Variants in SLC9A2 observed in about 807,000 individuals in gnomAD.
SLC9A2 encodes the protein solute carrier family 9 member A2, also known as sodium/hydrogen exchanger 2.
A neutral mutation model predicts 71.7 loss-of-function variants in SLC9A2; 42 were observed. That is an observed-to-expected ratio of 0.59 (90% CI 0.46 to 0.76). SLC9A2 has a LOEUF of 0.76. SLC9A2 is among the 30% of genes least tolerant of loss of function. The probability of loss-of-function intolerance (pLI) is 0.00; values close to 1 mark genes in which losing one functional copy is unlikely to be tolerated. For synonymous variants in SLC9A2, 396 were observed against 392.5 expected (o/e 1.01, Z -0.10); for missense variants, 829 against 1,017.4 (o/e 0.81, Z 2.52).
intron 4 of SLC9A2, 40 bp downstream of exon 4, chr2:102,683,518 T>A: frequency 6.8e-7 from 1 of 1,467,948 alleles, no homozygotes; most frequent in Non-Finnish European, 9.5e-7. Flanking sequence ...TATGTAACAC[T>A]CACTAATTGA....
intron 5 of SLC9A2, among the ~76,000 whole-genome samples, chr2:102,685,413 T>C (rs1335951690): frequency 6.6e-6 from 1 of 152,220 alleles, no homozygotes; most frequent in Non-Finnish European, 1.5e-5. Context: ...ATCCCTGATA[T>C]GTTCTCACGT....
intron 1 of SLC9A2, among the ~76,000 whole-genome samples, chr2:102,644,755 C>T (rs1357973322): frequency 6.6e-6 from 1 of 152,186 alleles, no homozygotes; most frequent in Admixed American, 6.5e-5. Flanking sequence ...CTAGATTCCT[C>T]CTCACTAGGC....
chr2:102,696,104 T>G (rs906700384), intron 7 of SLC9A2, among the ~76,000 whole-genome samples: 44 of 152,002 alleles, frequency 2.9e-4, no homozygotes, highest in South Asian at 2.1e-4. Context: ...CAGCCCCCAC[T>G]TGCTAGTGGG....
chr2:102,681,193 T>C lies in SLC9A2; in HGVS notation c.1005-2068T>C, dbSNP rs374371851. Among the ~76,000 whole-genome samples the C allele has an allele frequency of 8.3e-4, 126 of 152,304 alleles. 2 individuals are homozygous for C. In the South Asian group the frequency reaches 9.5e-3, roughly 12 times the overall value. Reference sequence around the variant, plus strand: ...AAGACCTCCTTCCCATCAGAGATCGTAGGGCTCATTAAGAACTTGGAAAGG... The same window carrying C: ...AAGACCTCCTTCCCATCAGAGATCGCAGGGCTCATTAAGAACTTGGAAAGG... On this transcript the variant is annotated intron_variant, in intron 3 of 11. Transcript: ENST00000233969.
chr2:102,625,739 GT>G (rs1212928515), intron 1 of SLC9A2, among the ~76,000 whole-genome samples: 1 of 152,114 alleles, frequency 6.6e-6, no homozygotes, highest in Admixed American at 6.5e-5. Flanking sequence ...ATTTGGGTTG[GT>G]TCCAAGTCTT....
rs1677483703 is a variant in SLC9A2 at position 102,683,016 on chromosome 2, G to A, written c.1005-245G>A. 2.0e-5 allele frequency among the ~76,000 whole-genome samples: 3 copies of A among 152,292 alleles called. 1 individual carries two copies. Among genetic ancestry groups the A allele is most frequent in the South Asian group, 4.1e-4 (2 of 4,822 alleles). On this transcript the variant is annotated intron_variant, in intron 3 of 11. Coordinates refer to ENST00000233969, the MANE Select transcript of SLC9A2 (RefSeq NM_003048.6). ...CCTTTAAGTGTGAATCTGGGGTAAG[G>A]GAATTGAGGGACCAGAATGCTGGGC...
rs917517166 is a variant in SLC9A2 at position 102,624,756 on chromosome 2, C to T, written c.289+4619C>T. The stretch of plus-strand genomic sequence containing the variant: ...GTAAGATGCAGAATTTTCCACCTCC[C>T]TCCATCCTGCTGTCATGAAATTAAA... On this transcript the variant is annotated intron_variant, in intron 1 of 11. Transcript: ENST00000233969. 2.6e-5 allele frequency among the ~76,000 whole-genome samples: 4 copies of T among 152,114 alleles called. 1 individual carries two copies. Among genetic ancestry groups the T allele is most frequent in the Admixed American group, 2.6e-4 (4 of 15,272 alleles).
intron 1 of SLC9A2, among the ~76,000 whole-genome samples, chr2:102,630,063 T>C (rs1676328654): frequency 6.6e-6 from 1 of 152,112 alleles, no homozygotes; most frequent in African/African-American, 2.4e-5. Flanking sequence ...TCTAACTGCG[T>C]GTTTCAGAAT....
At chr2:102,646,637 CA>C (rs975677293) in intron 1 of SLC9A2, among the ~76,000 whole-genome samples, 1 of 151,248 alleles carries the variant, frequency 6.6e-6, no homozygotes, top group Non-Finnish European at 1.5e-5. Context: ...AACAAACAAA[CA>C]AAAAAAGCAG....
At chr2:102,621,518 CTT>C (rs918457993) in intron 1 of SLC9A2, among the ~76,000 whole-genome samples, 17 of 152,208 alleles carry the variant, frequency 1.1e-4, no homozygotes, top group African/African-American at 4.1e-4. Context: ...ATTTTAAAGA[CTT>C]TAGAAAAATC....
intron 1 of SLC9A2, among the ~76,000 whole-genome samples, chr2:102,630,791 C>A (rs1218285607): frequency 1.3e-5 from 2 of 151,756 alleles, no homozygotes; most frequent in Admixed American, 1.3e-4. Context: ...CATGCTGTTG[C>A]ATTACGTAAT....
chr2:102,665,295 T>C lies in SLC9A2; in HGVS notation c.949T>C (p.Tyr317His). The C allele has an allele frequency of 6.2e-7, 1 of 1,614,114 alleles. No individual in the cohort carries two copies. The highest frequency in any genetic ancestry group is 8.5e-7 in the Non-Finnish European group (1 of 1,179,972). Residue 317 changes from tyrosine (Y) to histidine (H), a missense_variant, in exon 3 of 12, where the codon TAC becomes CAC. Physicochemically the swap from Tyr to His is moderately conservative, Grantham distance 83. Coordinates refer to ENST00000233969, the MANE Select transcript of SLC9A2 (RefSeq NM_003048.6). ...RVIEPLFVFL[Y>H]SYLSYITAEM... Reference sequence around the variant, plus strand: ...GATCGAGCCACTGTTTGTTTTCCTGTACAGTTATTTGTCCTACATCACAGC... The same window carrying C: ...GATCGAGCCACTGTTTGTTTTCCTGCACAGTTATTTGTCCTACATCACAGC...
intron 1 of SLC9A2, among the ~76,000 whole-genome samples, chr2:102,655,057 AGT>A (rs1368034370): frequency 7.9e-5 from 12 of 152,220 alleles, no homozygotes; most frequent in Non-Finnish European, 1.5e-4. Flanking sequence ...CCTAGACATT[AGT>A]GTACACTACT....
intron 2 of SLC9A2, among the ~76,000 whole-genome samples, chr2:102,663,094 C>G (rs149738091): frequency 9.9e-5 from 15 of 152,118 alleles, no homozygotes; most frequent in Non-Finnish European, 1.6e-4. Context: ...GTAACTGTGG[C>G]GTGTTGATGC....
chr2:102,669,192 C>T (rs570141116), intron 3 of SLC9A2, among the ~76,000 whole-genome samples: 1 of 152,266 alleles, frequency 6.6e-6, no homozygotes, highest in East Asian at 1.9e-4. Flanking sequence ...GAGGTGAAAT[C>T]TTCTGTCTTA....
At chr2:102,693,168 T>C (rs1000001860) in intron 5 of SLC9A2, among the ~76,000 whole-genome samples, 5 of 152,160 alleles carry the variant, frequency 3.3e-5, no homozygotes, top group Non-Finnish European at 7.3e-5. Flanking sequence ...TTGGGCATTT[T>C]GAATTTGTGT....
chr2:102,694,601 A>T, intron 6 of SLC9A2, 98 bp downstream of exon 6: 1 of 519,202 alleles, frequency 1.9e-6, no homozygotes, highest in Non-Finnish European at 3.4e-6. Flanking sequence ...CTGAAGAAGA[A>T]GGGAATGGCA....
intron 1 of SLC9A2, among the ~76,000 whole-genome samples, chr2:102,627,814 T>C (rs1676277721): frequency 6.6e-6 from 1 of 152,200 alleles, no homozygotes; most frequent in African/African-American, 2.4e-5. Flanking sequence ...GGTTTACTTA[T>C]GTTCTGTTAA....
intron 1 of SLC9A2, among the ~76,000 whole-genome samples, chr2:102,635,331 G>T (rs1013197360): frequency 6.6e-6 from 1 of 152,214 alleles, no homozygotes; most frequent in African/African-American, 2.4e-5. Context: ...CGCCTGGTCT[G>T]CTTACTTAGG....
Sources: gnomAD v4.1 joint callset for allele counts (sites outside exome capture counted in the v4.1 genomes callset) on GRCh38, gnomAD v4.1.1 for gene constraint, MANE v1.5 for transcripts, NCBI Gene and HGNC (gene_info 2026-07-23, HGNC 2026-07-21) for gene names.